Variants in BABAM2 observed in about 807,000 individuals in gnomAD.
The protein encoded by BABAM2 is BRISC and BRCA1 A complex member 2, also known as BRISC and BRCA1-A complex member 2.
A neutral mutation model predicts 54.7 loss-of-function variants in BABAM2; 31 were observed. The observed-to-expected ratio is 0.57, with a 90% CI of 0.43 to 0.77. BABAM2 has a LOEUF of 0.77. Ranked by LOEUF, BABAM2 falls within the 30% of genes least tolerant of loss-of-function variation. The probability of loss-of-function intolerance (pLI) is 0.00; values close to 1 mark genes in which losing one functional copy is unlikely to be tolerated. For synonymous variants in BABAM2, 167 were observed against 162.9 expected (o/e 1.03, Z -0.19); for missense variants, 364 against 455.8 (o/e 0.80, Z 1.83).
intron 7 of BABAM2, among the ~76,000 whole-genome samples, chr2:28,234,219 C>T (rs955120028): frequency 5.3e-5 from 8 of 151,972 alleles, no homozygotes; most frequent in African/African-American, 9.7e-5. Flanking sequence ...AAAATTACAG[C>T]GATACTTCCC....
At chr2:28,045,557 T>G (rs1363136911) in intron 5 of BABAM2, among the ~76,000 whole-genome samples, 168 bp from the exon 6 acceptor site, 2 of 152,238 alleles carry the variant, frequency 1.3e-5, no homozygotes, top group Non-Finnish European at 2.9e-5. Context: ...TAAGAACTCT[T>G]TCTGATCCTC....
At chr2:27,946,919 T>C (rs1216346853) in intron 3 of BABAM2, among the ~76,000 whole-genome samples, 1 of 152,224 alleles carries the variant, frequency 6.6e-6, no homozygotes, top group Non-Finnish European at 1.5e-5. Context: ...TTTTACTGCC[T>C]GTGTGACCTG....
upstream of BABAM2, chr2:27,890,194 C>T: frequency 6.6e-7 from 1 of 1,508,698 alleles, no homozygotes; most frequent in Non-Finnish European, 9.2e-7. The surrounding 1 kb of genome is among the most constrained non-coding windows in gnomAD (Gnocchi z 4.8). Flanking sequence ...CTCCACTGGG[C>T]GCATAGCGCA....
intron 3 of BABAM2, among the ~76,000 whole-genome samples, chr2:27,956,632 G>T (rs1188499149): frequency 6.6e-6 from 1 of 152,102 alleles, no homozygotes; most frequent in Non-Finnish European, 1.5e-5. Context: ...AGGTAATTTT[G>T]GGAATCTTCC....
intron 6 of BABAM2, among the ~76,000 whole-genome samples, chr2:28,090,690 T>C (rs1389375326): frequency 2.6e-5 from 4 of 152,212 alleles, no homozygotes; most frequent in Admixed American, 1.3e-4. Context: ...ATCTCTATTC[T>C]TTAAGATAGA....
intron 4 of BABAM2, among the ~76,000 whole-genome samples, chr2:28,023,731 T>C (rs72812568): frequency 0.085 from 12,873 of 152,230 alleles, 859 homozygotes; most frequent in African/African-American, 0.18. Context: ...ATAAATCAAC[T>C]CACTCAGTAG....
intron 6 of BABAM2, among the ~76,000 whole-genome samples, chr2:28,070,415 C>A (rs937644248): frequency 3.9e-5 from 6 of 152,158 alleles, no homozygotes; most frequent in African/African-American, 7.2e-5. Context: ...CTCCAATGGC[C>A]ATACGCTGGC....
Position 28,298,442 on chromosome 2 carries a change from T to A in BABAM2, c.1039T>A (p.Tyr347Asn). 2.5e-6 allele frequency: 4 copies of A among 1,614,154 alleles called. No homozygotes were observed. The highest frequency in any genetic ancestry group is 3.4e-6 in the Non-Finnish European group (4 of 1,180,014). The change falls in exon 11 of 12, where the codon TAT becomes AAT. Residue 347 changes from tyrosine (Y) to asparagine (N), a missense_variant. By Grantham distance (143) the Tyr-to-Asn change is moderately radical. Coordinates refer to ENST00000379624, the MANE Select transcript of BABAM2 (RefSeq NM_199191.3). ...GCTTTACTCCCAGGCCCAAAAAAAT[T>A]ATCCGTACAGCCCCAGATGGGATGG... is the stretch of plus-strand genomic sequence containing the variant. ...GQLYSQAQKN[Y>N]PYSPRWDGNE... is the part of the protein sequence containing the mutation.
chr2:28,246,613 A>C (rs995533606), intron 10 of BABAM2, among the ~76,000 whole-genome samples: 3 of 152,172 alleles, frequency 2.0e-5, no homozygotes, highest in African/African-American at 7.2e-5. Context: ...TGCTTCAACC[A>C]GTTCCTTCAT....
At chr2:28,217,526 G>T (rs950256332) in intron 7 of BABAM2, among the ~76,000 whole-genome samples, 2 of 152,176 alleles carry the variant, frequency 1.3e-5, no homozygotes, top group African/African-American at 4.8e-5. Context: ...GCAAACTGAG[G>T]CTTAGGGATG....
At chr2:28,196,966 T>C (rs1041114056) in intron 7 of BABAM2, among the ~76,000 whole-genome samples, 1 of 147,004 alleles carries the variant, frequency 6.8e-6, no homozygotes, top group South Asian at 2.3e-4. Context: ...CACCTTGGCC[T>C]CCCGAATAGA....
intron 4 of BABAM2, among the ~76,000 whole-genome samples, chr2:28,013,694 TACACACACACAC>T (rs56148921): frequency 1.1e-3 from 119 of 106,036 alleles, no homozygotes; most frequent in African/African-American, 3.4e-3. Flanking sequence ...AAAAAGCTCT[TACACACACACAC>T]ACACACACAC....
chr2:28,176,474 G>A (rs1260059615), intron 7 of BABAM2, among the ~76,000 whole-genome samples: 2 of 140,222 alleles, frequency 1.4e-5, no homozygotes, highest in Admixed American at 7.7e-5. Flanking sequence ...GGAGGCTGAG[G>A]CCCAAGAATC....
chr2:28,210,989 C>A (rs1310489240), intron 7 of BABAM2, among the ~76,000 whole-genome samples: 4 of 152,188 alleles, frequency 2.6e-5, no homozygotes, highest in Non-Finnish European at 4.4e-5. Flanking sequence ...GTGGTAAAGA[C>A]AATTCAAATA....
chr2:28,208,029 CTG>C (rs4043353), intron 7 of BABAM2, among the ~76,000 whole-genome samples: 8,673 of 149,718 alleles, frequency 0.058, 410 homozygotes, highest in African/African-American at 0.13. Flanking sequence ...GTGTTAAAGG[CTG>C]TGTGTGTGTG....
At chr2:28,276,323 A>C (rs1012297908) in intron 10 of BABAM2, among the ~76,000 whole-genome samples, 8 of 152,172 alleles carry the variant, frequency 5.3e-5, no homozygotes, top group Admixed American at 3.3e-4. Context: ...CATCCACTTT[A>C]GTCTGCAGAC....
At chr2:27,905,554 T>C (rs1381203037) in intron 2 of BABAM2, among the ~76,000 whole-genome samples, 1 of 152,162 alleles carries the variant, frequency 6.6e-6, no homozygotes, top group Non-Finnish European at 1.5e-5. Context: ...GTGGGTGATA[T>C]TATTGTATGT....
chr2:27,893,340 G>A (rs553083989), intron 1 of BABAM2, among the ~76,000 whole-genome samples: 1 of 152,276 alleles, frequency 6.6e-6, no homozygotes, highest in South Asian at 2.1e-4. Context: ...AGGACTTAGT[G>A]CCTTAAAGTC....
intron 10 of BABAM2, among the ~76,000 whole-genome samples, chr2:28,248,308 C>G (rs937863247): frequency 1.4e-5 from 2 of 145,838 alleles, no homozygotes; most frequent in Non-Finnish European, 3.0e-5. Context: ...CTCCCAGGTT[C>G]AAGCAATTCT....
Sources: allele counts gnomAD v4.1 joint callset (sites outside exome capture counted in the v4.1 genomes callset), GRCh38; gene constraint gnomAD v4.1.1; non-coding constraint Gnocchi (gnomAD v3.1); transcripts MANE v1.5; gene names NCBI Gene and HGNC (gene_info 2026-07-23, HGNC 2026-07-21).